Variants in THSD7B observed in about 807,000 individuals in gnomAD.
The protein encoded by THSD7B is thrombospondin type-1 domain-containing protein 7B.
In THSD7B, 138 loss-of-function variants were observed where a neutral mutation model predicts 213.6. That is an observed-to-expected ratio of 0.65 (90% CI 0.56 to 0.74). The LOEUF (loss-of-function observed/expected upper bound fraction) is 0.74. Among genes scored for constraint, THSD7B ranks in the 30% least tolerant of loss-of-function variants. The pLI is 0.00. For synonymous variants in THSD7B, 742 were observed against 687.0 expected (o/e 1.08, Z -1.25); for missense variants, 1,931 against 1,991.5 (o/e 0.97, Z 0.58).
chr2:137,070,857 C>T (rs889976668), intron 3 of THSD7B, among the ~76,000 whole-genome samples: 2 of 152,116 alleles, frequency 1.3e-5, no homozygotes, highest in Admixed American at 1.3e-4. Flanking sequence ...ATGATGGTTT[C>T]CAGTTTCATC....
At chr2:137,606,249 A>T (rs57194282) in intron 17 of THSD7B, among the ~76,000 whole-genome samples, 2 of 152,276 alleles carry the variant, frequency 1.3e-5, no homozygotes, top group African/African-American at 4.8e-5. Context: ...GAAAGAATAC[A>T]TCCTGTATGA....
chr2:136,922,681 A>G lies in THSD7B; in HGVS notation c.139+40364A>G, dbSNP rs566905819. On this transcript the variant is annotated intron_variant, in intron 2 of 27. Coordinates refer to ENST00000409968, the MANE Select transcript of THSD7B (RefSeq NM_001316349.2). ...ATTTAACTTTTAAAGTAGATAACCT[A>G]GACAGAATAATATATTTCTCTAAAA... Among the ~76,000 whole-genome samples the G allele has an allele frequency of 2.0e-5, 3 of 152,346 alleles. No homozygotes were observed. The South Asian group carries it at 6.2e-4, about 32-fold the overall frequency.
chr2:136,901,387 T>C (rs1230604330), intron 2 of THSD7B, among the ~76,000 whole-genome samples: 3 of 152,260 alleles, frequency 2.0e-5, no homozygotes, highest in South Asian at 2.1e-4. Flanking sequence ...GTAAAACTTT[T>C]CACCTTTTAA....
chr2:137,377,917 G>A (rs1374307483), intron 12 of THSD7B, among the ~76,000 whole-genome samples: 1 of 152,076 alleles, frequency 6.6e-6, no homozygotes, highest in South Asian at 2.1e-4. Flanking sequence ...AAGCTACCGC[G>A]CCTGGACAAA....
In THSD7B at chr2:137,296,170, G is replaced by A. The variant is rs546631512; in HGVS notation, c.2500+20144G>A. 5.3e-5 allele frequency among the ~76,000 whole-genome samples: 8 copies of A among 152,090 alleles called. No individual in the cohort carries two copies. The South Asian group carries it at 1.7e-3, about 32-fold the overall frequency. Reference sequence around the variant, plus strand: ...AAATTTCTTTTGCATGTTTTATATTGACCCAAAAGCTTCAGACTTAGGATA... The same window carrying A: ...AAATTTCTTTTGCATGTTTTATATTAACCCAAAAGCTTCAGACTTAGGATA... On this transcript the variant is annotated intron_variant, in intron 12 of 27. Transcript: ENST00000409968.
intron 15 of THSD7B, among the ~76,000 whole-genome samples, chr2:137,535,081 T>C (rs576394781): frequency 6.5e-4 from 98 of 151,928 alleles, no homozygotes; most frequent in African/African-American, 2.3e-3. Flanking sequence ...CTACAAAAAG[T>C]TGTGAATACA....
chr2:137,349,872 A>G (rs1453060941), intron 12 of THSD7B, among the ~76,000 whole-genome samples: 1 of 151,856 alleles, frequency 6.6e-6, no homozygotes, highest in Non-Finnish European at 1.5e-5. Context: ...AAAGGTATCT[A>G]TCTTGCCTCC....
At chr2:137,317,842 T>A (rs1684161745) in intron 12 of THSD7B, among the ~76,000 whole-genome samples, 2 of 152,142 alleles carry the variant, frequency 1.3e-5, no homozygotes, top group African/African-American at 4.8e-5. Flanking sequence ...GAGGATTGCT[T>A]GAGCCCAGGA....
intron 1 of THSD7B, among the ~76,000 whole-genome samples, chr2:136,781,274 T>G (rs1681736934): frequency 6.7e-6 from 1 of 149,610 alleles, no homozygotes; most frequent in Non-Finnish European, 1.5e-5. Context: ...TCTATTTTTT[T>G]TTTTTTTTTT....
At position 137,425,638 on chromosome 2, in the gene THSD7B, C is replaced by G. The variant is rs577199606; in HGVS notation, c.2959+13766C>G. Among the ~76,000 whole-genome samples the G allele has an allele frequency of 2.2e-4, 34 of 152,154 alleles. No homozygotes were observed. In the South Asian group the frequency reaches 6.6e-3, roughly 30 times the overall value. ...ATACACAAGGATGATGGAACCAATCCCCTGTAGAATACCCTGTGGATTCCG... is the reference window on the plus strand; with the variant it reads ...ATACACAAGGATGATGGAACCAATCGCCTGTAGAATACCCTGTGGATTCCG... On this transcript the variant is annotated intron_variant, in intron 14 of 27. Coordinates refer to ENST00000409968, the MANE Select transcript of THSD7B (RefSeq NM_001316349.2).
chr2:137,004,897 C>T (rs1686073384), intron 2 of THSD7B, among the ~76,000 whole-genome samples: 1 of 152,078 alleles, frequency 6.6e-6, no homozygotes, highest in Non-Finnish European at 1.5e-5. Context: ...TTCTAAATAA[C>T]TATGAAGAGG....
intron 2 of THSD7B, among the ~76,000 whole-genome samples, chr2:136,999,981 A>G (rs1267295817): frequency 6.6e-6 from 1 of 152,152 alleles, no homozygotes; most frequent in Non-Finnish European, 1.5e-5. Flanking sequence ...CCAATTGAAG[A>G]ATTTCATTAG....
intron 2 of THSD7B, among the ~76,000 whole-genome samples, chr2:136,989,249 T>C (rs1415030211): frequency 6.6e-6 from 1 of 152,038 alleles, no homozygotes; most frequent in African/African-American, 2.4e-5. Context: ...CCCCTTCAAA[T>C]CTCACGTTGA....
rs538681673 is a variant in THSD7B, at chr2:137,003,684, T to G, written c.140-52736T>G. 5.3e-5 allele frequency among the ~76,000 whole-genome samples: 8 copies of G among 152,286 alleles called. No homozygotes were observed. In the South Asian group the frequency reaches 1.7e-3, roughly 32 times the overall value. On this transcript the variant is annotated intron_variant, in intron 2 of 27. Coordinates refer to ENST00000409968, the MANE Select transcript of THSD7B (RefSeq NM_001316349.2). ...AAGTCATTCTCCTAGCCAAGACTCC[T>G]TATAAGCATCTATTTACTGTGTACC...
At chr2:137,374,556 G>A (rs1367929721) in intron 12 of THSD7B, among the ~76,000 whole-genome samples, 1 of 152,186 alleles carries the variant, frequency 6.6e-6, no homozygotes, top group Non-Finnish European at 1.5e-5. Context: ...TGCCTTCTAA[G>A]TGATGTATGA....
At chr2:137,290,495 G>A (rs900757352) in intron 12 of THSD7B, among the ~76,000 whole-genome samples, 1 of 152,020 alleles carries the variant, frequency 6.6e-6, no homozygotes, top group African/African-American at 2.4e-5. Context: ...GCTGAGCCCC[G>A]CTTCTCTTTC....
chr2:136,988,679 T>G (rs561390), intron 2 of THSD7B, among the ~76,000 whole-genome samples: 62,548 of 152,078 alleles, frequency 0.41, 15,280 homozygotes, highest in Non-Finnish European at 0.55. Context: ...TTTCCAATTT[T>G]GGGCATGTAA....
At chr2:137,568,599 G>A (rs1248173292) in intron 16 of THSD7B, among the ~76,000 whole-genome samples, 1 of 152,098 alleles carries the variant, frequency 6.6e-6, no homozygotes, top group Non-Finnish European at 1.5e-5. Context: ...TTACAATCAT[G>A]GTGGAAGGCA....
At chr2:137,555,939 A>G (rs1680953528) in intron 15 of THSD7B, among the ~76,000 whole-genome samples, 1 of 152,254 alleles carries the variant, frequency 6.6e-6, no homozygotes, top group Non-Finnish European at 1.5e-5. Context: ...AAGAAAGGGT[A>G]TCAGTGATTG....
Sources: gnomAD v4.1 joint callset for allele counts (sites outside exome capture counted in the v4.1 genomes callset) on GRCh38, gnomAD v4.1.1 for gene constraint, MANE v1.5 for transcripts, NCBI Gene and HGNC (gene_info 2026-07-23, HGNC 2026-07-21) for gene names.